Variants in ROBO1 observed in about 807,000 individuals in gnomAD.
The protein encoded by ROBO1 is roundabout guidance receptor 1.
In ROBO1, 149 loss-of-function variants were observed where a neutral mutation model predicts 195.9. That is an observed-to-expected ratio of 0.76 (90% confidence interval 0.67 to 0.87). The LOEUF is 0.87. Ranked by LOEUF, ROBO1 falls within the 40% of genes least tolerant of loss-of-function variation. The probability of loss-of-function intolerance (pLI) is 0.00; values close to 1 mark genes in which losing one functional copy is unlikely to be tolerated. For missense variants in ROBO1, 1,933 were observed against 2,068.3 expected (o/e 0.93, Z 1.27); for synonymous variants, 816 against 733.2 (o/e 1.11, Z -1.82).
At chr3:78,665,155 A>G (rs1707659710) in intron 14 of ROBO1, among the ~76,000 whole-genome samples, 1 of 152,066 alleles carries the variant, frequency 6.6e-6, no homozygotes, top group Admixed American at 6.6e-5. Flanking sequence ...CCTCCTCTTA[A>G]AAGTCCATCT....
chr3:79,575,141 A>AATATATATATAAATATATATAACAAAT (rs202182627), intron 2 of ROBO1, among the ~76,000 whole-genome samples: 6 of 87,320 alleles, frequency 6.9e-5, no homozygotes, highest in African/African-American at 1.8e-4. Context: ...ATATATAACA[A>AATATATATATAAATATATATAACAAAT]ATATATAAAT....
At chr3:79,353,411 A>T (rs1432539243) in intron 2 of ROBO1, among the ~76,000 whole-genome samples, 19 of 152,076 alleles carry the variant, frequency 1.2e-4, no homozygotes, top group Admixed American at 8.5e-4. Flanking sequence ...ACACACACAC[A>T]CACACACACA....
chr3:78,775,533 G>A (rs2083482682), intron 4 of ROBO1, among the ~76,000 whole-genome samples: 1 of 152,148 alleles, frequency 6.6e-6, no homozygotes, highest in South Asian at 2.1e-4. Context: ...TCAACATCCA[G>A]TAATTTAGTC....
At chr3:79,490,376 T>C (rs1282460687) in intron 2 of ROBO1, among the ~76,000 whole-genome samples, 1 of 152,168 alleles carries the variant, frequency 6.6e-6, no homozygotes, top group Non-Finnish European at 1.5e-5. Flanking sequence ...AGTAGGTGGA[T>C]TCCCCTTCAT....
chr3:78,883,137 C>T (rs887432090), intron 4 of ROBO1, among the ~76,000 whole-genome samples: 1 of 151,904 alleles, frequency 6.6e-6, no homozygotes, highest in Non-Finnish European at 1.5e-5. Flanking sequence ...CTCTCATCTT[C>T]TTCTCTACGG....
At chr3:79,641,622 G>T (rs1945664247) in intron 1 of ROBO1, among the ~76,000 whole-genome samples, 1 of 152,104 alleles carries the variant, frequency 6.6e-6, no homozygotes, top group Non-Finnish European at 1.5e-5. Context: ...TGTGAAATGT[G>T]AGCCCTCTGA....
At chr3:78,905,639 T>C (rs2037860134) in intron 4 of ROBO1, among the ~76,000 whole-genome samples, 1 of 151,992 alleles carries the variant, frequency 6.6e-6, no homozygotes, top group Non-Finnish European at 1.5e-5. Flanking sequence ...ACTCTACTGT[T>C]GATATCAAAT....
chr3:79,553,061 G>A (rs1942577857), intron 2 of ROBO1, among the ~76,000 whole-genome samples: 1 of 151,930 alleles, frequency 6.6e-6, no homozygotes, highest in African/African-American at 2.4e-5. Context: ...TCTTCTTTAG[G>A]TACAAGCTAC....
intron 3 of ROBO1, among the ~76,000 whole-genome samples, chr3:79,116,706 C>T (rs755966018): frequency 1.3e-5 from 2 of 151,624 alleles, no homozygotes; most frequent in Non-Finnish European, 2.9e-5. Flanking sequence ...TTAGTAGAGA[C>T]GGGGCTTCAC....
At chr3:78,857,630 C>A (rs565295597) in intron 4 of ROBO1, among the ~76,000 whole-genome samples, 1 of 152,176 alleles carries the variant, frequency 6.6e-6, no homozygotes, top group Admixed American at 6.5e-5. Flanking sequence ...TCAGACCCCA[C>A]CCCAGACCTG....
chr3:78,941,750 C>T (rs2040157334), intron 3 of ROBO1, among the ~76,000 whole-genome samples: 1 of 152,032 alleles, frequency 6.6e-6, no homozygotes, highest in Admixed American at 6.6e-5. Context: ...TTAGTATGGC[C>T]TGAGTATAAG....
intron 3 of ROBO1, among the ~76,000 whole-genome samples, chr3:78,940,830 AG>A (rs1187880189): frequency 1.3e-5 from 2 of 152,212 alleles, no homozygotes; most frequent in Non-Finnish European, 2.9e-5. Context: ...TATGCTTGGC[AG>A]AGTGCTGTGC....
intron 2 of ROBO1, chr3:79,527,832 A>G (rs2107601237): frequency 6.6e-6 from 1 of 152,542 alleles, no homozygotes; most frequent in African/African-American, 2.4e-5. Flanking sequence ...TCTAAAATAG[A>G]ATTTGTGGGT....
At chr3:78,713,497 T>C (rs2081818483) in intron 8 of ROBO1, among the ~76,000 whole-genome samples, 1 of 152,090 alleles carries the variant, frequency 6.6e-6, no homozygotes, top group African/African-American at 2.4e-5. Flanking sequence ...GAATTTTTTT[T>C]CCAACCAATA....
intron 2 of ROBO1, among the ~76,000 whole-genome samples, chr3:79,363,834 A>G (rs2035861154): frequency 6.6e-6 from 1 of 152,206 alleles, no homozygotes; most frequent in African/African-American, 2.4e-5. Context: ...TTATGATAAT[A>G]AGAAACATAA....
At chr3:78,823,590 C>A (rs898392421) in intron 4 of ROBO1, among the ~76,000 whole-genome samples, 1 of 152,162 alleles carries the variant, frequency 6.6e-6, no homozygotes, top group Non-Finnish European at 1.5e-5. Context: ...AGAGGACATG[C>A]CCTCTGAGGT....
At chr3:79,112,057 G>A (rs1386972993) in intron 3 of ROBO1, among the ~76,000 whole-genome samples, 10 of 152,010 alleles carry the variant, frequency 6.6e-5, no homozygotes, top group Non-Finnish European at 1.5e-5. Context: ...GGCTATATTG[G>A]GTGAAACAAA....
intron 1 of ROBO1, among the ~76,000 whole-genome samples, chr3:79,742,124 A>G (rs1016065872): frequency 6.6e-6 from 1 of 152,370 alleles, no homozygotes; most frequent in Middle Eastern, 3.4e-3. Context: ...CATGTGGTAG[A>G]GAAGAAAAAC....
chr3:79,263,349 T>C (rs1362422127), intron 2 of ROBO1, among the ~76,000 whole-genome samples: 1 of 152,052 alleles, frequency 6.6e-6, no homozygotes, highest in East Asian at 1.9e-4. Context: ...CACATTCTTC[T>C]AGCTTTCTCA....
Sources: gnomAD v4.1 joint callset for allele counts (sites outside exome capture counted in the v4.1 genomes callset) on GRCh38, gnomAD v4.1.1 for gene constraint, MANE v1.5 for transcripts, NCBI Gene and HGNC (gene_info 2026-07-23, HGNC 2026-07-21) for gene names.